The following HGD variants were observed in gnomAD, a reference collection of about 807,000 sequenced individuals.
HGD encodes homogentisate 1,2-dioxygenase, also known as homogentisate oxidase.
A neutral mutation model predicts 60.8 loss-of-function variants in HGD; 61 were observed. The observed-to-expected ratio is 1.00, with a 90% CI of 0.82 to 1.24. The LOEUF (loss-of-function observed/expected upper bound fraction) is 1.24. Ranked by LOEUF, HGD falls within the 50% of genes most tolerant of loss-of-function variation. The pLI is 0.00. For missense variants in HGD, 542 were observed against 547.1 expected (o/e 0.99, Z 0.09); for synonymous variants, 212 against 187.7 (o/e 1.13, Z -1.06).
intron 4 of HGD, among the ~76,000 whole-genome samples, chr3:120,653,405 C>T (rs888361722): frequency 3.3e-5 from 5 of 152,192 alleles, no homozygotes; most frequent in African/African-American, 7.2e-5. Flanking sequence ...CCAGCTGCCA[C>T]GTTTCATGGA....
At chr3:120,665,540 T>C (rs557204482) in intron 4 of HGD, among the ~76,000 whole-genome samples, 7 of 152,370 alleles carry the variant, frequency 4.6e-5, no homozygotes, top group African/African-American at 1.7e-4. Context: ...ATACTTCTTA[T>C]GTGAGGTATT....
At chr3:120,646,940 G>A (rs1485038163) in intron 8 of HGD, 33 bp downstream of exon 8, 1 of 1,534,192 alleles carries the variant, frequency 6.5e-7, no homozygotes, top group African/African-American at 1.4e-5. Context: ...AAATTAGTGA[G>A]AGGCAGGGAA....
At chr3:120,635,273 C>G (rs1445778588) in intron 12 of HGD, among the ~76,000 whole-genome samples, 1 of 151,816 alleles carries the variant, frequency 6.6e-6, no homozygotes, top group African/African-American at 2.4e-5. Flanking sequence ...GTCAAGAGAT[C>G]GAGACCATCC....
chr3:120,672,664 T>C (rs1393333761), intron 3 of HGD, among the ~76,000 whole-genome samples: 1 of 152,192 alleles, frequency 6.6e-6, no homozygotes, highest in Non-Finnish European at 1.5e-5. Flanking sequence ...CATGTGTGTA[T>C]GTCTTGGAAC....
chr3:120,674,613 C>T (rs1381374095), intron 3 of HGD: 2 of 362,658 alleles, frequency 5.5e-6, no homozygotes, highest in African/African-American at 2.1e-5. Context: ...TAGAAGAAGA[C>T]CAAACTATTA....
intron 4 of HGD, among the ~76,000 whole-genome samples, chr3:120,662,937 T>A (rs1707812137): frequency 6.6e-6 from 1 of 152,144 alleles, no homozygotes; most frequent in African/African-American, 2.4e-5. Context: ...CTGATATGAT[T>A]GTTGTCCTTA....
rs17140398 is a variant in HGD at position 120,676,038 on chromosome 3, G to T, written c.16-175C>A. 2.0e-5 allele frequency among the ~76,000 whole-genome samples: 3 copies of T among 152,108 alleles called. No individual in the cohort carries two copies. In the East Asian group the frequency reaches 5.8e-4, roughly 29 times the overall value. Reference sequence around the variant, plus strand: ...TGAATCATTTAGGGAAGACAATATGGTTTCTGTGAATTTTAAAGACTTCTA... The same window carrying T: ...TGAATCATTTAGGGAAGACAATATGTTTTCTGTGAATTTTAAAGACTTCTA... On this transcript the variant is annotated intron_variant, in intron 1 of 13. Coordinates refer to ENST00000283871, the MANE Select transcript of HGD (RefSeq NM_000187.4).
chr3:120,658,604 G>A (rs1233144545), intron 4 of HGD, among the ~76,000 whole-genome samples: 1 of 152,168 alleles, frequency 6.6e-6, no homozygotes. Flanking sequence ...TCTAGAGAAT[G>A]GTAGCCCTCT....
intron 1 of HGD, among the ~76,000 whole-genome samples, chr3:120,680,182 T>C (rs1367057970): frequency 6.6e-6 from 1 of 152,258 alleles, no homozygotes; most frequent in Non-Finnish European, 1.5e-5. Context: ...ATTTTATTAC[T>C]TTATCTTTTG....
chr3:120,680,349 C>G (rs1708209859), intron 1 of HGD, among the ~76,000 whole-genome samples: 1 of 152,094 alleles, frequency 6.6e-6, no homozygotes, highest in Non-Finnish European at 1.5e-5. Flanking sequence ...ATCTGGTTTT[C>G]TGTGTTCAGA....
chr3:120,671,830 C>T (rs992153161), intron 3 of HGD, among the ~76,000 whole-genome samples: 6 of 152,154 alleles, frequency 3.9e-5, no homozygotes, highest in African/African-American at 9.7e-5. Context: ...AGATCATGAC[C>T]TTTGCAGGGA....
At chr3:120,650,974 C>G (rs1941325516) in intron 5 of HGD, 109 bp from the exon 6 acceptor site, 2 of 863,928 alleles carry the variant, frequency 2.3e-6, no homozygotes, top group South Asian at 2.6e-5. Flanking sequence ...AGGGTCTTCC[C>G]TTTGGGACCG....
chr3:120,661,183 T>G (rs752814046), intron 4 of HGD, among the ~76,000 whole-genome samples: 7 of 152,154 alleles, frequency 4.6e-5, no homozygotes, highest in Non-Finnish European at 8.8e-5. Context: ...TCTTGACCTG[T>G]TTCCCAAATT....
At chr3:120,643,864 G>C (rs1941073706) in intron 10 of HGD, among the ~76,000 whole-genome samples, 1 of 152,182 alleles carries the variant, frequency 6.6e-6, no homozygotes, top group South Asian at 2.1e-4. Context: ...CTAATTAACT[G>C]AATTCTACTT....
chr3:120,668,140 G>A (rs910259574), intron 4 of HGD, among the ~76,000 whole-genome samples: 1 of 152,196 alleles, frequency 6.6e-6, no homozygotes, highest in African/African-American at 2.4e-5. Context: ...CAGGGAGGAT[G>A]TCTGCTTTAT....
At chr3:120,678,162 A>T (rs1015619299) in intron 1 of HGD, 5 of 152,250 alleles carry the variant, frequency 3.3e-5, no homozygotes, top group African/African-American at 4.8e-5. Context: ...TGCAGTTAGG[A>T]TGATATCTTT....
intron 7 of HGD, 149 bp downstream of exon 7, chr3:120,647,728 C>T (rs1253827526): frequency 5.4e-6 from 4 of 735,000 alleles, no homozygotes; most frequent in Non-Finnish European, 9.9e-6. Context: ...TCCAGACCAC[C>T]TGTGGCCTCT....
intron 1 of HGD, among the ~76,000 whole-genome samples, chr3:120,677,188 T>A (rs748111136): frequency 1.6e-4 from 24 of 152,154 alleles, no homozygotes; most frequent in African/African-American, 4.8e-5. Context: ...TTGAGCAACA[T>A]GAAATGTGGA....
At chr3:120,637,781 C>T (rs1449348575) in intron 12 of HGD, among the ~76,000 whole-genome samples, 1 of 152,166 alleles carries the variant, frequency 6.6e-6, no homozygotes, top group Non-Finnish European at 1.5e-5. Flanking sequence ...TCTAACAAGG[C>T]TTCTAAACTT....
Sources: allele counts gnomAD v4.1 joint callset (sites outside exome capture counted in the v4.1 genomes callset), GRCh38; gene constraint gnomAD v4.1.1; transcripts MANE v1.5; gene names NCBI Gene and HGNC (gene_info 2026-07-23, HGNC 2026-07-21).